FAM222B: variants seen among roughly 807,000 people sequenced by gnomAD.
FAM222B encodes protein FAM222B.
Under a neutral mutation model 38.0 loss-of-function variants are expected in FAM222B, and 12 were observed. The ratio of observed to expected loss-of-function variants is 0.32; its 90% CI spans 0.20 to 0.51. The LOEUF is 0.51. Among genes scored for constraint, FAM222B ranks in the 20% least tolerant of loss-of-function variants. The probability of loss-of-function intolerance (pLI) is 0.97; values close to 1 mark genes in which losing one functional copy is unlikely to be tolerated. For synonymous variants in FAM222B, 329 were observed against 317.2 expected, an observed-to-expected ratio of 1.04 and a Z score of -0.40; for missense variants, 716 against 754.2, an observed-to-expected ratio of 0.95 and a Z score of 0.59.
intron 1 of FAM222B, among the ~76,000 whole-genome samples, chr17:28,781,391 T>C (rs2036162938): frequency 6.6e-6 from 1 of 152,024 alleles, no homozygotes; most frequent in Non-Finnish European, 1.5e-5. Flanking sequence ...ATATAAATTG[T>C]TGGAGAGGAT....
intron 1 of FAM222B, among the ~76,000 whole-genome samples, chr17:28,778,733 T>A: frequency 8.6e-6 from 1 of 115,652 alleles, no homozygotes; most frequent in Non-Finnish European, 1.8e-5. Flanking sequence ...TTTTTTTTTT[T>A]TTTTTTTTTT....
chr17:28,832,237 A>C (rs1274331471), intron 1 of FAM222B, among the ~76,000 whole-genome samples: 4 of 152,112 alleles, frequency 2.6e-5, no homozygotes, highest in East Asian at 1.9e-4. Flanking sequence ...AAAACAATGG[A>C]GGTATTAGGA....
intron 1 of FAM222B, among the ~76,000 whole-genome samples, chr17:28,831,184 G>A (rs1024823688): frequency 1.3e-5 from 2 of 151,742 alleles, no homozygotes; most frequent in Non-Finnish European, 2.9e-5. Flanking sequence ...TAGTAGAGAT[G>A]GGGTTTCACC....
At chr17:28,801,272 T>C (rs2037209607) in intron 1 of FAM222B, among the ~76,000 whole-genome samples, 1 of 147,526 alleles carries the variant, frequency 6.8e-6, no homozygotes, top group Non-Finnish European at 1.5e-5. Flanking sequence ...GCTAACACAG[T>C]GAAACCCCGT....
intron 1 of FAM222B, among the ~76,000 whole-genome samples, chr17:28,850,219 T>C (rs907379154): frequency 2.0e-5 from 3 of 152,106 alleles, no homozygotes; most frequent in African/African-American, 2.4e-5. Context: ...GGGATTGCGA[T>C]TTGAATTTCT....
At chr17:28,845,558 A>T (rs376278625), upstream of FAM222B, among the ~76,000 whole-genome samples, 1 of 151,708 alleles carries the variant, frequency 6.6e-6, no homozygotes, top group Admixed American at 6.6e-5. Flanking sequence ...AGCCTTGGCG[A>T]CAGAGCGAGA....
intron 1 of FAM222B, among the ~76,000 whole-genome samples, chr17:28,840,818 G>A (rs1347341471): frequency 6.6e-6 from 1 of 151,810 alleles, no homozygotes; most frequent in East Asian, 1.9e-4. Flanking sequence ...AAAATTAGCC[G>A]GGTATGGTGG....
At chr17:28,785,045 T>TTAA in intron 1 of FAM222B, among the ~76,000 whole-genome samples, 1 of 152,064 alleles carries the variant, frequency 6.6e-6, no homozygotes, top group Non-Finnish European at 1.5e-5. Context: ...TATGAGCCAC[T>TTAA]GTGCCCAGCC....
At chr17:28,778,723 T>TTTTTTTTG (rs2036027197) in intron 1 of FAM222B, among the ~76,000 whole-genome samples, 1 of 84,948 alleles carries the variant, frequency 1.2e-5, no homozygotes, top group Non-Finnish European at 2.4e-5. Flanking sequence ...ATATATATTT[T>TTTTTTTTG]TTTTTTTTTT....
intron 1 of FAM222B, among the ~76,000 whole-genome samples, chr17:28,822,540 C>T (rs2038263848): frequency 2.0e-5 from 3 of 150,488 alleles, no homozygotes; most frequent in Admixed American, 6.6e-5. Flanking sequence ...GTAGGAGAAT[C>T]GCTTGAACCC....
At chr17:28,845,922 G>C (rs2039142320), upstream of FAM222B, among the ~76,000 whole-genome samples, 1 of 150,798 alleles carries the variant, frequency 6.6e-6, no homozygotes, top group South Asian at 2.1e-4. Context: ...AATAAATAAG[G>C]GTTGGGCCTG....
chr17:28,815,752 C>T (rs1175016133), intron 1 of FAM222B, among the ~76,000 whole-genome samples: 4 of 152,040 alleles, frequency 2.6e-5, no homozygotes, highest in Non-Finnish European at 5.9e-5. Context: ...ATCTCGAGGT[C>T]AGGAGATTGA....
intron 1 of FAM222B, among the ~76,000 whole-genome samples, chr17:28,828,681 A>C (rs544308942): frequency 9.4e-4 from 143 of 152,312 alleles, no homozygotes; most frequent in Middle Eastern, 3.4e-3. Flanking sequence ...TAAAAAAGAA[A>C]ATTAAGCTAA....
chr17:28,788,436 G>A (rs750915539), intron 1 of FAM222B, among the ~76,000 whole-genome samples: 8 of 151,182 alleles, frequency 5.3e-5, no homozygotes, highest in Non-Finnish European at 1.0e-4. Flanking sequence ...ACAGGTTTTT[G>A]CCATGTTGCC....
intron 1 of FAM222B, among the ~76,000 whole-genome samples, chr17:28,791,032 G>A (rs768543674): frequency 3.3e-5 from 5 of 150,610 alleles, no homozygotes; most frequent in South Asian, 4.2e-4. Context: ...CTGAGTAGCC[G>A]GCGTAGCTGG....
chr17:28,822,287 G>A (rs1298058608), intron 1 of FAM222B, among the ~76,000 whole-genome samples: 11 of 149,544 alleles, frequency 7.4e-5, no homozygotes, highest in African/African-American at 2.4e-4. Flanking sequence ...CCCAAAGTGC[G>A]GGATTACAGG....
intron 1 of FAM222B, among the ~76,000 whole-genome samples, chr17:28,771,850 C>T (rs2035649843): frequency 6.6e-6 from 1 of 151,950 alleles, no homozygotes; most frequent in South Asian, 2.1e-4. Context: ...GTCAGGAGAT[C>T]GAGACTATCC....
intron 1 of FAM222B, among the ~76,000 whole-genome samples, chr17:28,788,836 GGT>G (rs2036534628): frequency 6.6e-6 from 1 of 151,828 alleles, no homozygotes; most frequent in African/African-American, 2.4e-5. Flanking sequence ...CTGCCTCCCA[GGT>G]TCAAACAATT....
At chr17:28,822,769 C>T (rs1345691028) in intron 1 of FAM222B, among the ~76,000 whole-genome samples, 1 of 127,062 alleles carries the variant, frequency 7.9e-6, no homozygotes, top group Non-Finnish European at 1.6e-5. Flanking sequence ...CGCCACTGCA[C>T]TCCAGCCTGG....
Sources: allele counts gnomAD v4.1 joint callset (sites outside exome capture counted in the v4.1 genomes callset), GRCh38; gene constraint gnomAD v4.1.1; transcripts MANE v1.5; gene names NCBI Gene and HGNC (gene_info 2026-07-23, HGNC 2026-07-21).